Variants in FBXO46 observed in about 807,000 individuals in gnomAD.
The protein encoded by FBXO46 is F-box only protein 46.
In FBXO46, 13 loss-of-function variants were observed where a neutral mutation model predicts 30.7. That is an observed-to-expected ratio of 0.42 (90% confidence interval 0.28 to 0.67). The LOEUF (loss-of-function observed/expected upper bound fraction) is 0.67, where lower values mean the gene tolerates loss of function less well. Ranked by LOEUF, FBXO46 falls within the 30% of genes least tolerant of loss-of-function variation. FBXO46 has a pLI of 0.21. For synonymous variants in FBXO46, 467 were observed against 385.8 expected (o/e 1.21, Z -2.47); for missense variants, 754 against 871.5 (o/e 0.87, Z 1.70).
At chr19:45,721,092 G>A (rs1009598625) in intron 1 of FBXO46, among the ~76,000 whole-genome samples, 5 of 151,846 alleles carry the variant, frequency 3.3e-5, no homozygotes, top group East Asian at 1.9e-4. Flanking sequence ...GGTGGCTCGC[G>A]CCTGTAATCC....
At chr19:45,730,295 T>G (rs76992253) in intron 1 of FBXO46, among the ~76,000 whole-genome samples, 55 of 151,960 alleles carry the variant, frequency 3.6e-4, no homozygotes, top group African/African-American at 1.3e-3. Flanking sequence ...ACTAGGGAAA[T>G]TATCACTACA....
At chr19:45,719,170 G>A (rs1384296156) in intron 1 of FBXO46, among the ~76,000 whole-genome samples, 1 of 152,042 alleles carries the variant, frequency 6.6e-6, no homozygotes, top group Non-Finnish European at 1.5e-5. Context: ...GATTGCTTGA[G>A]CCCAGGAGGT....
At chr19:45,721,844 T>C (rs934823110) in intron 1 of FBXO46, among the ~76,000 whole-genome samples, 2 of 150,718 alleles carry the variant, frequency 1.3e-5, no homozygotes, top group Non-Finnish European at 3.0e-5. Context: ...CACCCCACCC[T>C]TTTTTTTTCT....
Position 45,712,684 on chromosome 19 carries a change from G to A in FBXO46, c.812C>T (p.Pro271Leu). 1 of 1,612,776 alleles carries A rather than the reference G, an allele frequency of 6.2e-7. No homozygotes were observed. The highest frequency in any genetic ancestry group is 1.1e-5 in the South Asian group (1 of 90,960). ...IAFRISNGRE[P>L]RAPDSGLPSG... Reference sequence around the variant, plus strand: ...GGGCAGGCCGCTGTCTGGTGCACGGGGCTCCCGGCCGTTGGAGATGCGGAA... The same window carrying A: ...GGGCAGGCCGCTGTCTGGTGCACGGAGCTCCCGGCCGTTGGAGATGCGGAA... The change falls in exon 2 of 2, where the codon CCC becomes CTC. Residue 271 changes from proline to leucine, a missense_variant. Physicochemically the swap from Pro to Leu is moderately conservative, Grantham distance 98 (BLOSUM62 -3). Around this residue, in one of 5 missense-constraint regions of FBXO46, gnomAD observed 454 missense variants for 426.5 expected, o/e 1.06. Coordinates refer to ENST00000317683, the MANE Select transcript of FBXO46 (RefSeq NM_001080469.2). This position sits in a 1 kb window ranked among gnomAD's most constrained non-coding sequence, Gnocchi z 8.8.
rs1464727362 is a variant in FBXO46 at position 45,713,794 on chromosome 19, C to A, written c.-78-221G>T. 6.6e-6 allele frequency among the ~76,000 whole-genome samples: 1 copy of A among 151,804 alleles called. No individual in the cohort carries two copies. The highest frequency in any genetic ancestry group is 6.6e-5 in the Admixed American group (1 of 15,240). On this transcript the variant is annotated intron_variant, in intron 1 of 1. Coordinates refer to ENST00000317683, the MANE Select transcript of FBXO46 (RefSeq NM_001080469.2). This position sits in a 1 kb window ranked among gnomAD's most constrained non-coding sequence, Gnocchi z 4.7. ...ACCAGCCTGGCCAACATGGTGATAC[C>A]CCATCTCTACTAAAAATACAAAAAT...
chr19:45,723,203 T>A (rs771823774), intron 1 of FBXO46, among the ~76,000 whole-genome samples: 3 of 151,988 alleles, frequency 2.0e-5, no homozygotes, highest in Non-Finnish European at 4.4e-5. Flanking sequence ...TGAGACCACA[T>A]CTCTAAAATA....
intron 1 of FBXO46, among the ~76,000 whole-genome samples, chr19:45,726,836 T>G (rs140852406): frequency 6.6e-6 from 1 of 151,994 alleles, no homozygotes; most frequent in African/African-American, 2.4e-5. Flanking sequence ...ATAAAAATCA[T>G]AGAAAGACCT....
intron 1 of FBXO46, among the ~76,000 whole-genome samples, chr19:45,729,996 T>C (rs1968288359): frequency 6.6e-6 from 1 of 152,130 alleles, no homozygotes; most frequent in African/African-American, 2.4e-5. Flanking sequence ...AGCCCAGCTC[T>C]CCCACTAATA....
chr19:45,714,334 C>T (rs1352880112), intron 1 of FBXO46: 1 of 151,962 alleles, frequency 6.6e-6, no homozygotes, highest in Non-Finnish European at 1.5e-5. Context: ...GGATGAAAAT[C>T]TGAGGTCAGA....
rs1245291246 is a variant in FBXO46 at position 45,711,599 on chromosome 19, G to T, written c.*85C>A. On this transcript the variant is annotated 3_prime_UTR_variant, in exon 2 of 2. Transcript: ENST00000317683. The stretch of plus-strand genomic sequence containing the variant: ...AATGCTGCCTGGAGTAGGGGAATGG[G>T]CAGGCGGCCCAGTCCGGACCCTCGG... 9.5e-7 allele frequency: 1 copy of T among 1,048,896 alleles called. No homozygotes were observed. Among genetic ancestry groups the T allele is most frequent in the Non-Finnish European group, 1.4e-6 (1 of 702,540 alleles). The allele number at this position is 1,048,896 out of a possible 1,614,324, so 65.0% of individuals were successfully genotyped here. A position where few individuals can be genotyped will look rare whatever the true frequency, so the allele number is the denominator to read the frequency against.
At position 45,711,932 on chromosome 19, in the gene FBXO46, C is replaced by G; in HGVS notation, c.1564G>C (p.Asp522His). Residue 522 changes from aspartate to histidine, a missense_variant, in exon 2 of 2, where the codon GAC becomes CAC. This residue lies in a region of FBXO46 where 162 missense variants were observed against 258.7 expected (regional missense o/e 0.63). Transcript: ENST00000317683. ...CACGGATCATCGCGGTAGAGCGGGTCTCGGCTCCAGCGCGAGTCTGTGGCC... is the reference window on the plus strand; with the variant it reads ...CACGGATCATCGCGGTAGAGCGGGTGTCGGCTCCAGCGCGAGTCTGTGGCC... ...VRATDSRWSR[D>H]PLYRDDPCKQ... 2 of 1,613,456 alleles carry G rather than the reference C, an allele frequency of 1.2e-6. No individual in the cohort carries two copies. The highest frequency in any genetic ancestry group is 1.7e-6 in the Non-Finnish European group (2 of 1,179,812).
Position 45,715,122 on chromosome 19 carries a change from T to C in FBXO46, c.-78-1549A>G, listed in dbSNP as rs577211841. Reference sequence around the variant, plus strand: ...TTGGAATGACTTGATGTGAATGACCTAATCTGGAGGCAATCTTGCGCATGA... The same window carrying C: ...TTGGAATGACTTGATGTGAATGACCCAATCTGGAGGCAATCTTGCGCATGA... On this transcript the variant is annotated intron_variant, in intron 1 of 1. Coordinates refer to ENST00000317683, the MANE Select transcript of FBXO46 (RefSeq NM_001080469.2). The C allele has an allele frequency of 1.1e-4, 16 of 152,328 alleles. No individual in the cohort carries two copies. The East Asian group carries it at 1.9e-3, about 18-fold the overall frequency. 9.4% of individuals were successfully genotyped at this position (152,328 alleles called of 1,614,324 possible).
chr19:45,716,765 G>T (rs1162150943), intron 1 of FBXO46: 1 of 151,752 alleles, frequency 6.6e-6, no homozygotes. Context: ...CTGCACGCTC[G>T]CTGCGAGCTT....
At position 45,711,460 on chromosome 19, in the gene FBXO46, C is replaced by A. The variant is rs914420843; in HGVS notation, c.*224G>T. ...ATGCTGATAAAAAAAAAAAAAACACCCTTCTCAGAGGGTCCACGGCCCTGG... is the reference window on the plus strand; with the variant it reads ...ATGCTGATAAAAAAAAAAAAAACACACTTCTCAGAGGGTCCACGGCCCTGG... On this transcript the variant is annotated 3_prime_UTR_variant, in exon 2 of 2. Transcript: ENST00000317683. 3 of 682,196 alleles carry A rather than the reference C, an allele frequency of 4.4e-6. No homozygotes were observed. The highest frequency in any genetic ancestry group is 4.3e-5 in the Admixed American group (2 of 46,074). The allele number at this position is 682,196 out of a possible 1,614,324, so 42.3% of individuals were successfully genotyped here.
At chr19:45,729,241 C>A (rs968850969) in intron 1 of FBXO46, among the ~76,000 whole-genome samples, 1 of 152,082 alleles carries the variant, frequency 6.6e-6, no homozygotes, top group African/African-American at 2.4e-5. Flanking sequence ...ACCAGCCTGA[C>A]CAACATGCAG....
chr19:45,728,861 C>T (rs1038758321), intron 1 of FBXO46, among the ~76,000 whole-genome samples: 7 of 152,124 alleles, frequency 4.6e-5, no homozygotes, highest in Admixed American at 3.9e-4. Context: ...AAAGGCTGCG[C>T]GCAGTGGCTC....
chr19:45,732,071 C>T (rs986733809), upstream of FBXO46, among the ~76,000 whole-genome samples: 3 of 150,592 alleles, frequency 2.0e-5, no homozygotes, highest in Admixed American at 2.0e-4. Context: ...GAGCCGAGAT[C>T]GCGCCACTGC....
intron 1 of FBXO46, among the ~76,000 whole-genome samples, chr19:45,728,772 G>A (rs2146163836): frequency 1.3e-5 from 2 of 152,266 alleles, no homozygotes; most frequent in Middle Eastern, 6.8e-3. Flanking sequence ...GGAGGTTGAG[G>A]CTGCAGTGAG....
chr19:45,712,161 C>T lies in FBXO46; in HGVS notation c.1335G>A (p.Leu445=). The change falls in exon 2 of 2, where the codon CTG becomes CTA. Residue 445 remains leucine (L), a synonymous_variant. Coordinates refer to ENST00000317683, the MANE Select transcript of FBXO46 (RefSeq NM_001080469.2). The surrounding 1 kb of genome is among the most constrained non-coding windows in gnomAD (Gnocchi z 8.8). ...DDAEGTADTS[L]CRLYRHVSHD... is the part of the protein sequence containing the mutation. ...GCGACACGTGCCGGTACAAGCGGCA[C>T]AGGGAGGTGTCCGCCGTGCCCTCGG... The T allele has an allele frequency of 6.3e-7, 1 of 1,596,588 alleles. No individual in the cohort carries two copies. Among genetic ancestry groups the T allele is most frequent in the Non-Finnish European group, 8.5e-7 (1 of 1,172,310 alleles).
Sources: allele counts gnomAD v4.1 joint callset (sites outside exome capture counted in the v4.1 genomes callset), GRCh38; gene constraint gnomAD v4.1.1; regional missense constraint gnomAD v4.1.1; non-coding constraint Gnocchi (gnomAD v3.1); transcripts MANE v1.5; gene names NCBI Gene and HGNC (gene_info 2026-07-23, HGNC 2026-07-21).